Variants in MTUS1 observed in about 807,000 individuals in gnomAD.
MTUS1 encodes microtubule-associated tumor suppressor 1.
Under a neutral mutation model 120.8 loss-of-function variants are expected in MTUS1, and 109 were observed. That is an observed-to-expected ratio of 0.90 (90% CI 0.77 to 1.06). MTUS1 has a LOEUF of 1.06. Among genes scored for constraint, MTUS1 ranks in the 50% least tolerant of loss-of-function variants. The pLI is 0.00. For missense variants in MTUS1, 2,210 were observed against 1,486.3 expected (o/e 1.49, Z -8.01); for synonymous variants, 737 against 550.5 (o/e 1.34, Z -4.74).
chr8:17,672,988 T>C (rs150554065), intron 8 of MTUS1, among the ~76,000 whole-genome samples: 22 of 152,326 alleles, frequency 1.4e-4, no homozygotes, highest in African/African-American at 2.2e-4. Context: ...TCCATTCTCA[T>C]TGCTGCCTTG....
At chr8:17,698,755 CTTGCCA>C (rs1388451355) in intron 6 of MTUS1, among the ~76,000 whole-genome samples, 1 of 152,166 alleles carries the variant, frequency 6.6e-6, no homozygotes, top group Non-Finnish European at 1.5e-5. Context: ...AAGCCCCCAA[CTTGCCA>C]TTTTAGAGGT....
At chr8:17,711,540 G>T (rs561831695) in intron 6 of MTUS1, among the ~76,000 whole-genome samples, 1 of 152,090 alleles carries the variant, frequency 6.6e-6, no homozygotes, top group Non-Finnish European at 1.5e-5. Context: ...GGCTTTGGCC[G>T]AAGTGAAAGT....
chr8:17,658,113 C>T (rs1808858690), intron 8 of MTUS1, among the ~76,000 whole-genome samples: 1 of 149,442 alleles, frequency 6.7e-6, no homozygotes, highest in African/African-American at 2.5e-5. Flanking sequence ...TCTTGGCTCA[C>T]TGCAACCTCC....
intron 1 of MTUS1, among the ~76,000 whole-genome samples, chr8:17,768,166 A>G (rs2131426645): frequency 6.6e-6 from 1 of 152,366 alleles, no homozygotes; most frequent in South Asian, 2.1e-4. Flanking sequence ...CTGTATAAAT[A>G]ATGTATCACA....
Position 17,754,491 on chromosome 8 carries a change from G to A in MTUS1, c.1317C>T (p.Thr439=). 1 of 1,614,200 alleles carries A rather than the reference G, an allele frequency of 6.2e-7. No individual in the cohort carries two copies. The highest frequency in any genetic ancestry group is 8.5e-7 in the Non-Finnish European group (1 of 1,180,034). ...STPVLEPTKV[T]FSVSPIEATE... is the part of the protein sequence containing the mutation. The stretch of plus-strand genomic sequence containing the variant: ...TCGCTTCAATCGGTGAAACAGAAAA[G>A]GTTACTTTTGTGGGTTCTAGGACTG... Residue 439 remains threonine, a synonymous_variant, in exon 2 of 15, where the codon ACC becomes ACT. Coordinates refer to ENST00000693296, the MANE Select transcript of MTUS1 (RefSeq NM_001363059.2).
At chr8:17,709,956 G>C (rs1255505305) in intron 6 of MTUS1, among the ~76,000 whole-genome samples, 1 of 151,690 alleles carries the variant, frequency 6.6e-6, no homozygotes, top group East Asian at 1.9e-4. Context: ...GCAGCGAGCA[G>C]AGATCATGCC....
At chr8:17,756,166 G>T (rs1348860196) in intron 1 of MTUS1, among the ~76,000 whole-genome samples, 1 of 152,094 alleles carries the variant, frequency 6.6e-6, no homozygotes, top group Non-Finnish European at 1.5e-5. Context: ...ATAGCAAATG[G>T]GGCAAAATGG....
intron 1 of MTUS1, among the ~76,000 whole-genome samples, chr8:17,762,617 G>T (rs2049131241): frequency 6.6e-6 from 1 of 152,166 alleles, no homozygotes; most frequent in Non-Finnish European, 1.5e-5. Context: ...TAAATCAACA[G>T]CAGGAAACTA....
chr8:17,768,155 G>A (rs1489809848), intron 1 of MTUS1, among the ~76,000 whole-genome samples: 1 of 152,230 alleles, frequency 6.6e-6, no homozygotes, highest in Non-Finnish European at 1.5e-5. Flanking sequence ...GTATCAGAGA[G>A]CTGTATAAAT....
rs1466164952 is a variant in MTUS1, at chr8:17,684,473, G to C, written c.2693C>G (p.Pro898Arg). 6.2e-7 allele frequency: 1 copy of C among 1,614,164 alleles called. No homozygotes were observed. The highest frequency in any genetic ancestry group is 2.2e-5 in the East Asian group (1 of 44,880). The part of the protein sequence containing the change: ...IQPQTAPDAL[P>R]PEKTLELTQY... ...CGTCAATTCAAGTGTTTTCTCAGGG[G>C]GCAGCGCATCGGGAGCTGTCTGTGG... The change falls in exon 7 of 15, where the codon CCC (proline) becomes CGC (arginine). Residue 898 changes from proline to arginine, a missense_variant. Pro to Arg is a moderately radical substitution (Grantham distance 103). Transcript: ENST00000693296.
chr8:17,767,700 TAAAAAAAA>T (rs112048837), intron 1 of MTUS1, among the ~76,000 whole-genome samples: 7 of 87,874 alleles, frequency 8.0e-5, no homozygotes, highest in Non-Finnish European at 1.6e-4. Context: ...CCCTGTCTCT[TAAAAAAAA>T]AAAAAAAAAA....
At chr8:17,789,536 T>C (rs1281979582) in intron 1 of MTUS1, among the ~76,000 whole-genome samples, 2 of 152,174 alleles carry the variant, frequency 1.3e-5, no homozygotes, top group East Asian at 3.9e-4. Flanking sequence ...CAAAGTCCAC[T>C]TGGTGAAAAG....
intron 6 of MTUS1, among the ~76,000 whole-genome samples, chr8:17,688,605 C>T (rs1379229376): frequency 6.6e-6 from 1 of 152,166 alleles, no homozygotes; most frequent in Non-Finnish European, 1.5e-5. Context: ...CATCTAAAAG[C>T]CCTCACAGGG....
chr8:17,718,476 A>T (rs558751666), intron 4 of MTUS1, among the ~76,000 whole-genome samples: 1 of 152,262 alleles, frequency 6.6e-6, no homozygotes, highest in South Asian at 2.1e-4. Context: ...ATTCGCCCAT[A>T]TCGGGTATGG....
At chr8:17,651,429 T>A (rs1258534988) in intron 12 of MTUS1, among the ~76,000 whole-genome samples, 2 of 152,154 alleles carry the variant, frequency 1.3e-5, no homozygotes, top group Admixed American at 6.5e-5. Context: ...AGTCTATGAT[T>A]GTCTCAACAC....
chr8:17,675,179 C>CTCT lies in MTUS1; in HGVS notation c.2905+4_2905+6dup, dbSNP rs1299848937. 6.2e-7 allele frequency: 1 copy of CTCT among 1,614,060 alleles called. No homozygotes were observed. The highest frequency in any genetic ancestry group is 1.3e-5 in the African/African-American group (1 of 75,032). ...AAAATTTAACAACAACAACAAAAAG[C>CTCT]TCTTACCTAGCTCTCCCCGGAGGTT... On this transcript the variant is annotated splice_region_variant and intron_variant, in intron 8 of 14. Transcript: ENST00000693296.
chr8:17,733,359 T>TA (rs33999065), intron 3 of MTUS1, among the ~76,000 whole-genome samples: 3,362 of 138,656 alleles, frequency 0.024, 112 homozygotes, highest in African/African-American at 0.075. Flanking sequence ...TCAAAAAAAT[T>TA]AAAAAAAAAA....
In MTUS1 at chr8:17,755,645, C is replaced by G. The variant is rs1484710389; in HGVS notation, c.163G>C (p.Val55Leu). The change falls in exon 2 of 15, where the codon GTG (valine) becomes CTG (leucine). Residue 55 changes from valine (V) to leucine (L), a missense_variant. Val to Leu is a conservative substitution (Grantham distance 32). Coordinates refer to ENST00000693296, the MANE Select transcript of MTUS1 (RefSeq NM_001363059.2). ...GCAGGGTCAGTTTCATAATCAACCACCATGTCATCTGGGTTGGCAGAATTC... is the reference window on the plus strand; with the variant it reads ...GCAGGGTCAGTTTCATAATCAACCAGCATGTCATCTGGGTTGGCAGAATTC... ...NWNSANPDDMVVDYETDPAVV... is the reference protein window; with the variant it reads ...NWNSANPDDMLVDYETDPAVV... 6.2e-7 allele frequency: 1 copy of G among 1,614,216 alleles called. No individual in the cohort carries two copies. Among genetic ancestry groups the G allele is most frequent in the Non-Finnish European group, 8.5e-7 (1 of 1,180,024 alleles).
intron 1 of MTUS1, among the ~76,000 whole-genome samples, chr8:17,772,382 T>C (rs372017203): frequency 2.0e-5 from 3 of 152,184 alleles, no homozygotes; most frequent in Admixed American, 2.0e-4. Context: ...TTATCCAAAC[T>C]TGAATCCCTA....
Sources: allele counts gnomAD v4.1 joint callset (sites outside exome capture counted in the v4.1 genomes callset), GRCh38; gene constraint gnomAD v4.1.1; transcripts MANE v1.5; gene names NCBI Gene and HGNC (gene_info 2026-07-23, HGNC 2026-07-21).